RNF135: variants seen among roughly 807,000 people sequenced by gnomAD.
The protein encoded by RNF135 is ring finger protein 135, also known as E3 ubiquitin-protein ligase RNF135.
Under a neutral mutation model 41.9 loss-of-function variants are expected in RNF135, and 46 were observed. The observed-to-expected ratio is 1.10, with a 90% confidence interval of 0.87 to 1.40. RNF135 has a LOEUF of 1.40. Among genes scored for constraint, RNF135 ranks in the 40% most tolerant of loss-of-function variants. RNF135 has a pLI of 0.00. For synonymous variants in RNF135, 238 were observed against 223.8 expected, an observed-to-expected ratio of 1.06 and a Z score of -0.57; for missense variants, 539 against 549.8, an observed-to-expected ratio of 0.98 and a Z score of 0.20.
intron 1 of RNF135, chr17:30,975,596 C>T: frequency 1.1e-6 from 1 of 872,080 alleles, no homozygotes. Flanking sequence ...CAGAGCAAAA[C>T]TCAAGAAAGC....
At chr17:30,979,341 T>C (rs1906778260) in intron 1 of RNF135, 2 of 107,526 alleles carry the variant, frequency 1.9e-5, no homozygotes, top group African/African-American at 3.7e-5. Context: ...ACCTCCTGGA[T>C]AGGGCGGCTG....
Position 30,984,768 on chromosome 17 carries a change from C to T in RNF135, c.516+8C>T. 1 of 1,613,952 alleles carries T rather than the reference C, an allele frequency of 6.2e-7. No homozygotes were observed. Among genetic ancestry groups the T allele is most frequent in the Non-Finnish European group, 8.5e-7 (1 of 1,179,922 alleles). ...CTGAGCATCCTGGGCAAGGTAGGCT[C>T]CACTGGGAGAGGAAAGGATGTGGAA... On this transcript the variant is annotated splice_region_variant and intron_variant, in intron 2 of 4. Coordinates refer to ENST00000328381, the MANE Select transcript of RNF135 (RefSeq NM_032322.4).
intron 1 of RNF135, chr17:30,973,120 C>G (rs1195565765): frequency 2.0e-5 from 3 of 152,086 alleles, no homozygotes; most frequent in Non-Finnish European, 4.4e-5. Flanking sequence ...ATGATGTTGC[C>G]CATCTTTTCT....
At chr17:30,973,717 T>G (rs1416501422) in intron 1 of RNF135, among the ~76,000 whole-genome samples, 1 of 152,112 alleles carries the variant, frequency 6.6e-6, no homozygotes, top group East Asian at 1.9e-4. Context: ...CTGCCTACCT[T>G]GGCCTCCCAA....
In RNF135 at chr17:30,988,416, A is replaced by C. The variant is rs1239412755; in HGVS notation, c.679+310A>C. Among the ~76,000 whole-genome samples the C allele has an allele frequency of 3.7e-5, 3 of 81,874 alleles. No individual in the cohort carries two copies. In the East Asian group the frequency reaches 8.6e-4, roughly 23 times the overall value. 53.7% of individuals were successfully genotyped at this position (81,874 alleles called of 152,430 possible). ...GAGATTCTGAAATAGGCCACTTTTA[A>C]TTTTTTTTTTTTTTTTTTTTTTTTT... On this transcript the variant is annotated intron_variant, in intron 3 of 4. Transcript: ENST00000328381.
rs1156767989 is a variant in RNF135, at chr17:30,980,404, G to A, written c.373-4213G>A. The stretch of plus-strand genomic sequence containing the variant: ...AGAGGGGCTCCTCACTTCCCAGTAG[G>A]GGCGGCCGGGCAGAGGGGCTCCTCA... On this transcript the variant is annotated intron_variant, in intron 1 of 4. Transcript: ENST00000328381. Among the ~76,000 whole-genome samples the A allele has an allele frequency of 2.7e-5, 4 of 148,710 alleles. No individual in the cohort carries two copies. The South Asian group carries it at 6.4e-4, about 24-fold the overall frequency.
intron 2 of RNF135, among the ~76,000 whole-genome samples, chr17:30,985,853 T>C (rs7221226): frequency 0.18 from 27,012 of 152,214 alleles, 7,509 homozygotes; most frequent in African/African-American, 0.6. Flanking sequence ...CTGCTCATGC[T>C]GCCTGGCTCT....
the RNF135 span, among the ~76,000 whole-genome samples, chr17:30,963,093 C>CTTTTTTTTT: frequency 1.0e-5 from 1 of 99,382 alleles, no homozygotes; most frequent in Admixed American, 9.9e-5. Flanking sequence ...GATTCCCTAG[C>CTTTTTTTTT]TTTTTTTTTT....
chr17:30,980,464 T>C, intron 1 of RNF135, among the ~76,000 whole-genome samples: 1 of 126,638 alleles, frequency 7.9e-6, no homozygotes, highest in African/African-American at 3.1e-5. Context: ...GAGGAGCCCC[T>C]CACCTCCCGG....
At chr17:30,974,667 T>TTTA (rs202241847) in intron 1 of RNF135, among the ~76,000 whole-genome samples, 40 of 150,710 alleles carry the variant, frequency 2.7e-4, no homozygotes, top group Middle Eastern at 3.4e-3. Context: ...GTTATTCCTT[T>TTTA]TTATTATTAT....
intron 3 of RNF135, among the ~76,000 whole-genome samples, chr17:30,994,639 AT>A (rs113868552): frequency 5.3e-4 from 77 of 146,556 alleles, no homozygotes; most frequent in East Asian, 1.8e-3. Flanking sequence ...ATTTTATTTT[AT>A]TTTTTTTTTT....
intron 1 of RNF135, among the ~76,000 whole-genome samples, chr17:30,982,547 C>CA (rs1907232151): frequency 6.6e-6 from 1 of 152,130 alleles, no homozygotes. Context: ...GTGCCTGTTT[C>CA]AGTAATATAA....
intron 1 of RNF135, among the ~76,000 whole-genome samples, chr17:30,974,322 T>C (rs1213916599): frequency 1.3e-5 from 2 of 152,246 alleles, no homozygotes; most frequent in Non-Finnish European, 2.9e-5. Flanking sequence ...AATTTATAAA[T>C]AGAGAAGTGT....
intron 1 of RNF135, among the ~76,000 whole-genome samples, chr17:30,979,694 G>A (rs1906861895): frequency 7.6e-6 from 1 of 131,808 alleles, no homozygotes; most frequent in Non-Finnish European, 1.7e-5. Flanking sequence ...GGACGGGGCG[G>A]CTGGCCGGGC....
At chr17:30,975,723 C>G in intron 1 of RNF135, 2 of 1,403,416 alleles carry the variant, frequency 1.4e-6, no homozygotes, top group South Asian at 2.3e-5. Flanking sequence ...TTGCCCAACA[C>G]TGCTCACCTG....
At chr17:30,994,017 C>T (rs1342500157) in intron 3 of RNF135, 2 of 451,066 alleles carry the variant, frequency 4.4e-6, no homozygotes, top group Non-Finnish European at 7.8e-6. Context: ...GTTGCCCAGG[C>T]TGGTCTCCCA....
At chr17:30,991,338 G>C (rs536226749) in intron 3 of RNF135, among the ~76,000 whole-genome samples, 44 of 152,014 alleles carry the variant, frequency 2.9e-4, no homozygotes, top group African/African-American at 1.0e-3. Flanking sequence ...CCTCCAGCCT[G>C]GGCAACAAGA....
chr17:30,997,207 T>TTAACA, intron 3 of RNF135, 35 bp from the exon 4 acceptor site: 1 of 1,567,072 alleles, frequency 6.4e-7, no homozygotes, highest in Non-Finnish European at 8.8e-7. Flanking sequence ...CTTTTTCTGA[T>TTAACA]GGGACTTTCC....
At chr17:30,970,736 G>T, upstream of RNF135, 1 of 351,808 alleles carries the variant, frequency 2.8e-6, no homozygotes, top group Admixed American at 4.8e-5. Context: ...TTAAGCCAAC[G>T]GACGAAGACA....
Sources: allele counts gnomAD v4.1 joint callset (sites outside exome capture counted in the v4.1 genomes callset), GRCh38; gene constraint gnomAD v4.1.1; transcripts MANE v1.5; gene names NCBI Gene and HGNC (gene_info 2026-07-23, HGNC 2026-07-21).